Variants in CSMD1 observed in about 807,000 individuals in gnomAD.
CSMD1 encodes CUB and Sushi multiple domains 1.
CSMD1 carries 213 observed loss-of-function variants against 417.5 expected under a neutral mutation model. That is an observed-to-expected ratio of 0.51 (90% CI 0.46 to 0.57). The LOEUF (loss-of-function observed/expected upper bound fraction) is 0.57. Among genes scored for constraint, CSMD1 ranks in the 20% least tolerant of loss-of-function variants. The pLI is 0.00. For synonymous variants in CSMD1, 2,862 were observed against 1,736.8 expected, an observed-to-expected ratio of 1.65 and a Z score of -16.11; for missense variants, 6,923 against 4,529.7, an observed-to-expected ratio of 1.53 and a Z score of -15.17.
chr8:4,412,217 A>T lies in CSMD1; in HGVS notation c.415+7736T>A, dbSNP rs1385981875. 2.0e-5 allele frequency among the ~76,000 whole-genome samples: 3 copies of T among 152,218 alleles called. No individual in the cohort carries two copies. In the East Asian group the frequency reaches 5.8e-4, roughly 29 times the overall value. ...CTCATGTTAAATTGTAACCCCCAGT[A>T]TTGGAGGTAGGGCCTGGTAGGAGGT... On this transcript the variant is annotated intron_variant, in intron 3 of 69. Coordinates refer to ENST00000635120, the MANE Select transcript of CSMD1 (RefSeq NM_033225.6).
At chr8:3,366,894 A>C (rs1038359222) in intron 20 of CSMD1, 138 bp downstream of exon 20, 1 of 715,588 alleles carries the variant, frequency 1.4e-6, no homozygotes, top group Non-Finnish European at 2.4e-6. Context: ...GCACCCCATT[A>C]GTTGGAATCA....
At chr8:3,638,688 G>C (rs943600584) in intron 7 of CSMD1, among the ~76,000 whole-genome samples, 1 of 152,144 alleles carries the variant, frequency 6.6e-6, no homozygotes, top group African/African-American at 2.4e-5. Context: ...GGACCAGAAA[G>C]TCGACACATG....
intron 3 of CSMD1, among the ~76,000 whole-genome samples, chr8:4,320,178 C>T (rs1006064862): frequency 6.6e-6 from 1 of 152,032 alleles, no homozygotes; most frequent in Non-Finnish European, 1.5e-5. Flanking sequence ...CAAAAATATC[C>T]AGCACTTAAC....
chr8:3,557,651 G>C (rs557562306), intron 10 of CSMD1, among the ~76,000 whole-genome samples: 34 of 152,044 alleles, frequency 2.2e-4, no homozygotes, highest in Non-Finnish European at 4.3e-4. Flanking sequence ...TGCCTTCTGC[G>C]GAAATGCTTG....
chr8:3,732,233 G>C (rs970379917), intron 6 of CSMD1, among the ~76,000 whole-genome samples: 7 of 152,132 alleles, frequency 4.6e-5, no homozygotes, highest in African/African-American at 1.4e-4. Flanking sequence ...TTTCGCCCGA[G>C]GCCACCCTGC....
At chr8:3,430,937 G>C (rs1031050320) in intron 12 of CSMD1, among the ~76,000 whole-genome samples, 2 of 152,146 alleles carry the variant, frequency 1.3e-5, no homozygotes, top group Admixed American at 6.5e-5. Context: ...ATAGTTGCAT[G>C]ACTAGTAAAC....
intron 5 of CSMD1, among the ~76,000 whole-genome samples, chr8:3,930,351 A>G (rs1248675713): frequency 6.6e-6 from 1 of 150,614 alleles, no homozygotes; most frequent in Non-Finnish European, 1.5e-5. Flanking sequence ...ATAATAAAGA[A>G]ATCAATGTAT....
chr8:3,864,930 C>G (rs542710144), intron 5 of CSMD1, among the ~76,000 whole-genome samples: 3 of 152,358 alleles, frequency 2.0e-5, no homozygotes, highest in African/African-American at 4.8e-5. Context: ...TGGTCTCGGA[C>G]TTCTGTTCTG....
intron 2 of CSMD1, among the ~76,000 whole-genome samples, chr8:4,448,816 TG>T (rs1375726326): frequency 6.6e-6 from 1 of 152,206 alleles, no homozygotes; most frequent in Non-Finnish European, 1.5e-5. Context: ...AACCTAATTC[TG>T]GGACAGGGTA....
chr8:4,404,803 T>C (rs1804894705), intron 3 of CSMD1, among the ~76,000 whole-genome samples: 1 of 152,172 alleles, frequency 6.6e-6, no homozygotes, highest in East Asian at 1.9e-4. Flanking sequence ...CTAAATATGT[T>C]CTATGGGTAC....
chr8:3,408,304 C>G, intron 13 of CSMD1, 79 bp from the exon 14 acceptor site: 1 of 1,114,812 alleles, frequency 9.0e-7, no homozygotes, highest in Admixed American at 2.5e-5. Context: ...AGCTAAGAAC[C>G]TGGAAAGGCA....
intron 3 of CSMD1, among the ~76,000 whole-genome samples, chr8:4,195,900 C>A (rs997634357): frequency 1.3e-5 from 2 of 151,618 alleles, no homozygotes; most frequent in African/African-American, 4.9e-5. Context: ...ACAGTCCCAC[C>A]CCGAGAAAAC....
At chr8:3,220,202 C>G (rs1234748309) in intron 28 of CSMD1, among the ~76,000 whole-genome samples, 1 of 151,516 alleles carries the variant, frequency 6.6e-6, no homozygotes, top group Non-Finnish European at 1.5e-5. Flanking sequence ...ATATTAATAG[C>G]CCCTACAATG....
chr8:3,548,474 G>A (rs898552227), intron 10 of CSMD1, among the ~76,000 whole-genome samples: 2 of 151,696 alleles, frequency 1.3e-5, no homozygotes, highest in Admixed American at 1.3e-4. Flanking sequence ...GAGTCCTCGA[G>A]GTCTACCCTG....
intron 3 of CSMD1, among the ~76,000 whole-genome samples, chr8:4,308,103 G>A (rs1585201853): frequency 6.6e-6 from 1 of 152,286 alleles, no homozygotes; most frequent in South Asian, 2.1e-4. Context: ...GGCAGAAGTG[G>A]AGAGGGTGGC....
chr8:4,018,273 G>C (rs1247484966), intron 4 of CSMD1, among the ~76,000 whole-genome samples: 1 of 151,936 alleles, frequency 6.6e-6, no homozygotes, highest in Non-Finnish European at 1.5e-5. Context: ...TGGTGTTTGA[G>C]AGTCTATCTT....
At chr8:4,933,333 G>A (rs11995104) in intron 1 of CSMD1, among the ~76,000 whole-genome samples, 9 of 152,216 alleles carry the variant, frequency 5.9e-5, no homozygotes, top group Admixed American at 2.6e-4. Flanking sequence ...TTAATATGCC[G>A]TTTAAATATA....
At chr8:4,300,680 C>T (rs1818192) in intron 3 of CSMD1, among the ~76,000 whole-genome samples, 98,087 of 151,476 alleles carry the variant, frequency 0.65, 32,457 homozygotes, top group East Asian at 0.84. Flanking sequence ...GCTATCTCTC[C>T]ACACTCTCCC....
chr8:3,658,487 T>G (rs1398695862), intron 7 of CSMD1, among the ~76,000 whole-genome samples: 1 of 148,876 alleles, frequency 6.7e-6, no homozygotes, highest in Middle Eastern at 3.5e-3. Flanking sequence ...TATATTTAAT[T>G]TAAAGCTTTC....
Sources: allele counts gnomAD v4.1 joint callset (sites outside exome capture counted in the v4.1 genomes callset), GRCh38; gene constraint gnomAD v4.1.1; transcripts MANE v1.5; gene names NCBI Gene and HGNC (gene_info 2026-07-23, HGNC 2026-07-21).